Variants in WDPCP observed in about 807,000 individuals in gnomAD.
The protein encoded by WDPCP is WD repeat containing planar cell polarity effector, also known as WD repeat-containing and planar cell polarity effector protein fritz homolog.
Under a neutral mutation model 93.1 loss-of-function variants are expected in WDPCP, and 71 were observed. The ratio of observed to expected loss-of-function variants is 0.76; its 90% CI spans 0.63 to 0.93. WDPCP has a LOEUF of 0.93. Ranked by LOEUF, WDPCP falls within the 40% of genes least tolerant of loss-of-function variation. The probability of loss-of-function intolerance (pLI) is 0.00; values close to 1 mark genes in which losing one functional copy is unlikely to be tolerated. For synonymous variants in WDPCP, 315 were observed against 315.0 expected, an observed-to-expected ratio of 1.00 and a Z score of 0.00; for missense variants, 844 against 887.4, an observed-to-expected ratio of 0.95 and a Z score of 0.62.
At chr2:63,126,934 T>C (rs1020467295) in intron 17 of WDPCP, among the ~76,000 whole-genome samples, 2 of 152,130 alleles carry the variant, frequency 1.3e-5, no homozygotes, top group African/African-American at 4.8e-5. Flanking sequence ...CTTTTTGCCT[T>C]AGCCTCCCAA....
At chr2:63,706,552 T>C (rs1669155640) in intron 2 of WDPCP, among the ~76,000 whole-genome samples, 1 of 151,744 alleles carries the variant, frequency 6.6e-6, no homozygotes, top group African/African-American at 2.4e-5. Context: ...CCTTCACTTA[T>C]GAAGCTTAGT....
At chr2:63,572,723 A>AAAAAAAAAAAAAAAAAAAAAAAAAAAAAT (rs1707620147) in intron 1 of WDPCP, among the ~76,000 whole-genome samples, 1 of 148,014 alleles carries the variant, frequency 6.8e-6, no homozygotes, top group Admixed American at 6.8e-5. Context: ...AAAAAAAAAA[A>AAAAAAAAAAAAAAAAAAAAAAAAAAAAAT]AAAGTTGGAC....
intron 2 of WDPCP, among the ~76,000 whole-genome samples, chr2:63,735,142 A>C (rs1178166492): frequency 6.6e-6 from 1 of 152,214 alleles, no homozygotes; most frequent in Admixed American, 6.5e-5. Flanking sequence ...GTATCTAGTG[A>C]GGAAAGTAAG....
intron 9 of WDPCP, among the ~76,000 whole-genome samples, chr2:63,428,614 C>A (rs553956608): frequency 3.3e-5 from 5 of 152,268 alleles, no homozygotes; most frequent in South Asian, 4.1e-4. Context: ...AAACCCACAG[C>A]CAACATCATA....
the WDPCP span, among the ~76,000 whole-genome samples, chr2:63,833,413 T>TA: frequency 4.0e-5 from 6 of 151,284 alleles, no homozygotes; most frequent in African/African-American, 9.7e-5. Flanking sequence ...AAATTTGAAA[T>TA]AAAAAAAAAG....
chr2:63,258,952 A>C, intron 14 of WDPCP, among the ~76,000 whole-genome samples: 1 of 152,184 alleles, frequency 6.6e-6, no homozygotes. Flanking sequence ...TTGAGAAATG[A>C]CATGTCTGTG....
At chr2:63,263,346 G>C (rs937168726) in intron 13 of WDPCP, among the ~76,000 whole-genome samples, 3 of 152,322 alleles carry the variant, frequency 2.0e-5, no homozygotes, top group East Asian at 3.9e-4. Context: ...CCTTAAGAGA[G>C]GATTAGGTCA....
chr2:63,271,967 C>T (rs746252351), intron 13 of WDPCP, among the ~76,000 whole-genome samples: 1 of 152,000 alleles, frequency 6.6e-6, no homozygotes. Flanking sequence ...ATACATGCTG[C>T]CCAAGGACCC....
At chr2:63,718,511 T>C (rs1669369144) in intron 2 of WDPCP, among the ~76,000 whole-genome samples, 1 of 152,198 alleles carries the variant, frequency 6.6e-6, no homozygotes, top group Non-Finnish European at 1.5e-5. Context: ...ATTAGTGACG[T>C]AGAGCATTTT....
chr2:63,139,174 C>T (rs1278269223), intron 17 of WDPCP, among the ~76,000 whole-genome samples: 16 of 146,076 alleles, frequency 1.1e-4, no homozygotes, highest in Non-Finnish European at 3.1e-5. Flanking sequence ...TGTGTATACA[C>T]ACACACACAC....
intron 12 of WDPCP, among the ~76,000 whole-genome samples, chr2:63,367,120 T>C (rs1690976998): frequency 6.6e-6 from 1 of 151,264 alleles, no homozygotes; most frequent in Non-Finnish European, 1.5e-5. Flanking sequence ...TTAAAGCAGG[T>C]GGTAACAGGG....
intron 14 of WDPCP, among the ~76,000 whole-genome samples, chr2:63,206,704 T>C (rs991504393): frequency 5.3e-5 from 8 of 152,050 alleles, no homozygotes; most frequent in Non-Finnish European, 5.9e-5. Context: ...ATCCCACTTA[T>C]TGTATTTTTA....
At chr2:63,829,829 A>G (rs1671167903), upstream of WDPCP, among the ~76,000 whole-genome samples, 1 of 152,074 alleles carries the variant, frequency 6.6e-6, no homozygotes, top group Admixed American at 6.6e-5. Flanking sequence ...TTTTTTCAGT[A>G]TTACAATTTT....
chr2:63,812,051 G>A (rs1217245920), intron 2 of WDPCP, among the ~76,000 whole-genome samples: 1 of 151,822 alleles, frequency 6.6e-6, no homozygotes, highest in Admixed American at 6.6e-5. Context: ...TTTTTGTAGA[G>A]ACGGGGTTTT....
At chr2:63,524,693 G>A (rs367621186) in intron 1 of WDPCP, among the ~76,000 whole-genome samples, 2 of 152,118 alleles carry the variant, frequency 1.3e-5, no homozygotes, top group African/African-American at 4.8e-5. Flanking sequence ...ATAGGACTTC[G>A]CAAAGATTTC....
chr2:63,806,561 T>C (rs1380610974), intron 2 of WDPCP, among the ~76,000 whole-genome samples: 1 of 152,086 alleles, frequency 6.6e-6, no homozygotes, highest in Admixed American at 6.5e-5. Flanking sequence ...CTGACCAAAA[T>C]TTATTAGGCG....
intron 2 of WDPCP, among the ~76,000 whole-genome samples, chr2:63,657,149 T>C (rs912284663): frequency 4.7e-5 from 7 of 150,526 alleles, no homozygotes; most frequent in African/African-American, 1.7e-4. Context: ...ATTATAATTA[T>C]GGCTGTGAAT....
At chr2:63,321,942 G>C (rs1211836823) in intron 12 of WDPCP, among the ~76,000 whole-genome samples, 1 of 152,124 alleles carries the variant, frequency 6.6e-6, no homozygotes, top group African/African-American at 2.4e-5. Context: ...AAAAAAAGCT[G>C]TACATATTTA....
At chr2:63,733,183 ATTTTTTTTTTTTT>A (rs70965141) in intron 2 of WDPCP, among the ~76,000 whole-genome samples, 2 of 94,948 alleles carry the variant, frequency 2.1e-5, no homozygotes, top group Middle Eastern at 0.012. Flanking sequence ...CAAATAAATG[ATTTTTTTTTTTTT>A]TTTTTTTTTT....
Sources: allele counts gnomAD v4.1 joint callset (sites outside exome capture counted in the v4.1 genomes callset), GRCh38; gene constraint gnomAD v4.1.1; transcripts MANE v1.5; gene names NCBI Gene and HGNC (gene_info 2026-07-23, HGNC 2026-07-21).